SGSM3: variants seen among roughly 807,000 people sequenced by gnomAD.
SGSM3 encodes small G protein signaling modulator 3, also known as RUN and SH3 containing 3.
Under a neutral mutation model 100.5 loss-of-function variants are expected in SGSM3, and 96 were observed. The ratio of observed to expected loss-of-function variants is 0.96; its 90% confidence interval spans 0.81 to 1.13. The LOEUF is 1.13. SGSM3 is among the 50% of genes most tolerant of loss of function. The pLI is 0.00. For missense variants in SGSM3, 1,001 were observed against 1,015.8 expected, an observed-to-expected ratio of 0.99 and a Z score of 0.20; for synonymous variants, 483 against 422.8, an observed-to-expected ratio of 1.14 and a Z score of -1.75.
At chr22:40,387,701 T>A (rs1372947834) in intron 1 of SGSM3, among the ~76,000 whole-genome samples, 3 of 152,192 alleles carry the variant, frequency 2.0e-5, no homozygotes, top group Non-Finnish European at 4.4e-5. Flanking sequence ...GTAGTGGGAA[T>A]GACAGAAGGT....
rs897234227 is a variant in SGSM3 at position 40,376,268 on chromosome 22, C to T, written c.-112+5580C>T. ...CAACAATGAAGTTCAACTTACGGCTCTGCTGCTTGCTTCCTTGCTTGTCTG... is the reference window on the plus strand; with the variant it reads ...CAACAATGAAGTTCAACTTACGGCTTTGCTGCTTGCTTCCTTGCTTGTCTG... On this transcript the variant is annotated intron_variant, in intron 1 of 21. Coordinates refer to ENST00000248929, the MANE Select transcript of SGSM3 (RefSeq NM_015705.6). 5.4e-5 allele frequency: 7 copies of T among 129,854 alleles called. No individual in the cohort carries two copies. In the Admixed American group the frequency reaches 6.2e-4, roughly 12 times the overall value. The allele number at this position is 129,854 out of a possible 1,614,324, so 8.0% of individuals were successfully genotyped here.
chr22:40,402,030 C>T, intron 3 of SGSM3, 109 bp from the exon 4 acceptor site: 2 of 828,754 alleles, frequency 2.4e-6, no homozygotes, highest in East Asian at 2.5e-5. Context: ...TGATCTGAGC[C>T]CGAAGGCTGG....
At position 40,408,067 on chromosome 22, in the gene SGSM3, A is replaced by G; in HGVS notation, c.1580-4A>G. On this transcript the variant is annotated splice_region_variant and splice_polypyrimidine_tract_variant and intron_variant, in intron 14 of 21. Coordinates refer to ENST00000248929, the MANE Select transcript of SGSM3 (RefSeq NM_015705.6). ...GCTCCTTACAGGGCCTGTTTTTCCCACAGGCTGGTTTCCAGCCAAGTTCGT... is the reference window on the plus strand; with the variant it reads ...GCTCCTTACAGGGCCTGTTTTTCCCGCAGGCTGGTTTCCAGCCAAGTTCGT... The G allele has an allele frequency of 6.3e-7, 1 of 1,593,328 alleles. No homozygotes were observed. The highest frequency in any genetic ancestry group is 1.1e-5 in the South Asian group (1 of 90,604).
At chr22:40,390,479 A>T (rs533534679) in intron 1 of SGSM3, 1 of 152,212 alleles carries the variant, frequency 6.6e-6, no homozygotes, top group Non-Finnish European at 1.5e-5. Context: ...AGGTTTCCTA[A>T]TATTTTGCCA....
Position 40,410,247 on chromosome 22 carries a change from T to C in SGSM3, c.*488T>C. ...CAACAGACCCGGGACCCAGCTGTGC[T>C]ACCCACCCCTTCCATGGACTGAATA... On this transcript the variant is annotated 3_prime_UTR_variant, in exon 22 of 22. Transcript: ENST00000248929. The C allele has an allele frequency of 2.1e-6, 2 of 937,304 alleles. No homozygotes were observed. Among genetic ancestry groups the C allele is most frequent in the Non-Finnish European group, 2.6e-6 (2 of 765,340 alleles). 58.1% of individuals were successfully genotyped at this position (937,304 alleles called of 1,614,324 possible).
chr22:40,408,472 C>T (rs921117303), intron 16 of SGSM3, 43 bp downstream of exon 16: 8 of 1,606,810 alleles, frequency 5.0e-6, no homozygotes, highest in South Asian at 1.1e-5. Flanking sequence ...CTGCACCAGC[C>T]CTGCTGTGCC....
chr22:40,374,110 G>T (rs1014012073), intron 1 of SGSM3, among the ~76,000 whole-genome samples: 1 of 151,770 alleles, frequency 6.6e-6, no homozygotes, highest in Non-Finnish European at 1.5e-5. Flanking sequence ...CTGCCACCAT[G>T]CCCGGCTAAT....
chr22:40,402,121 A>C lies in SGSM3; in HGVS notation c.91-18A>C. 3 of 1,609,144 alleles carry C rather than the reference A, an allele frequency of 1.9e-6. No homozygotes were observed. The highest frequency in any genetic ancestry group is 2.6e-6 in the Non-Finnish European group (3 of 1,175,466). On this transcript the variant is annotated intron_variant, in intron 3 of 21. Transcript: ENST00000248929. ...ACTAGGGGACAGGCAACTGACTTCA[A>C]CCTCATCCTGATTCTAGAAGGAAGA...
intron 1 of SGSM3, among the ~76,000 whole-genome samples, chr22:40,390,994 A>G (rs1372016202): frequency 1.3e-5 from 2 of 152,232 alleles, no homozygotes; most frequent in African/African-American, 4.8e-5. Context: ...CATAAATTAT[A>G]GTATCACATG....
intron 1 of SGSM3, among the ~76,000 whole-genome samples, chr22:40,399,725 T>C (rs1049478649): frequency 6.6e-6 from 1 of 152,266 alleles, no homozygotes; most frequent in Non-Finnish European, 1.5e-5. Flanking sequence ...TAAAATTCCA[T>C]TCTCTTCACA....
chr22:40,385,822 G>C (rs2048323884), intron 1 of SGSM3, among the ~76,000 whole-genome samples: 1 of 152,114 alleles, frequency 6.6e-6, no homozygotes, highest in Non-Finnish European at 1.5e-5. Flanking sequence ...CTTTGTCCAG[G>C]AGGAACATGA....
chr22:40,406,405 C>T (rs866433828), intron 9 of SGSM3, 33 bp from the exon 10 acceptor site: 4 of 1,531,490 alleles, frequency 2.6e-6, no homozygotes, highest in Non-Finnish European at 3.5e-6. Flanking sequence ...CAATGACAAC[C>T]TTCTTCCCCC....
intron 1 of SGSM3, among the ~76,000 whole-genome samples, chr22:40,385,482 T>A (rs1464997399): frequency 6.6e-6 from 1 of 152,072 alleles, no homozygotes; most frequent in African/African-American, 2.4e-5. Flanking sequence ...GGTTGAAAGG[T>A]TCTCGTGGGT....
At chr22:40,375,487 G>A (rs1040547976) in intron 1 of SGSM3, among the ~76,000 whole-genome samples, 1 of 151,952 alleles carries the variant, frequency 6.6e-6, no homozygotes, top group Non-Finnish European at 1.5e-5. Flanking sequence ...GGCTGAGGCA[G>A]GAGAATCACT....
Position 40,409,497 on chromosome 22 carries a change from A to G in SGSM3, c.2144A>G (p.Gln715Arg). 6.3e-7 allele frequency: 1 copy of G among 1,591,054 alleles called. No homozygotes were observed. The highest frequency in any genetic ancestry group is 8.6e-7 in the Non-Finnish European group (1 of 1,168,628). ...VLCCFAFSLS[Q>R]DWELPAKREA... ...TGCTGCTTTGCCTTCAGCCTCTCCCAGGACTGGGAGCTCCCTGCGAAGAGA... is the reference window on the plus strand; with the variant it reads ...TGCTGCTTTGCCTTCAGCCTCTCCCGGGACTGGGAGCTCCCTGCGAAGAGA... Residue 715 changes from glutamine (Q) to arginine (R), a missense_variant, in exon 21 of 22, where the codon CAG (glutamine) becomes CGG (arginine). Transcript: ENST00000248929.
chr22:40,408,976 A>C lies in SGSM3; in HGVS notation c.1946A>C (p.Gln649Pro). ...VNVTHDAVHA[Q>P]MDVKLRSLIC... ...GTGACCCACGATGCAGTGCATGCAC[A>C]AATGGATGTGAAGCTCCGCTCACTG... Residue 649 changes from glutamine (Q) to proline (P), a missense_variant, in exon 19 of 22, where the codon CAA becomes CCA. Physicochemically the swap from Gln to Pro is moderately conservative, Grantham distance 76. Transcript: ENST00000248929. The C allele has an allele frequency of 2.5e-6, 4 of 1,595,642 alleles. No homozygotes were observed. The highest frequency in any genetic ancestry group is 3.4e-6 in the Non-Finnish European group (4 of 1,170,928).
Position 40,405,252 on chromosome 22 carries a change from C to T in SGSM3, c.586C>T (p.Pro196Ser). Residue 196 changes from proline (P) to serine (S), a missense_variant, in exon 7 of 22, where the codon CCA becomes TCA. Physicochemically the swap from Pro to Ser is moderately conservative, Grantham distance 74. Transcript: ENST00000248929. ...RVLRALAWLY[P>S]EIGYCQGTGM... is the part of the protein sequence containing the mutation. Reference sequence around the variant, plus strand: ...GCTCCGGGCCCTGGCCTGGCTCTACCCAGAGATCGGCTACTGCCAGGGCAC... The same window carrying T: ...GCTCCGGGCCCTGGCCTGGCTCTACTCAGAGATCGGCTACTGCCAGGGCAC... 2 of 1,540,540 alleles carry T rather than the reference C, an allele frequency of 1.3e-6. No homozygotes were observed. The highest frequency in any genetic ancestry group is 8.8e-7 in the Non-Finnish European group (1 of 1,142,476).
At chr22:40,409,419 C>G in intron 20 of SGSM3, 46 bp from the exon 21 acceptor site, 1 of 1,570,382 alleles carries the variant, frequency 6.4e-7, no homozygotes, top group African/African-American at 1.4e-5. Flanking sequence ...GTGGGAAGGG[C>G]TAGCTGGGGG....
Position 40,407,631 on chromosome 22 carries a change from C to T in SGSM3, c.1524+63C>T, listed in dbSNP as rs1264686991. The stretch of plus-strand genomic sequence containing the variant: ...TGGCGGGTTCCCCAGACTCCCTCCA[C>T]CAAGCCCCACCCCAACCCCTTTCCC... On this transcript the variant is annotated intron_variant, in intron 13 of 21. Transcript: ENST00000248929. The surrounding 1 kb of genome is among the most constrained non-coding windows in gnomAD (Gnocchi z 4.7). The T allele has an allele frequency of 3.8e-6, 6 of 1,580,606 alleles. No homozygotes were observed. In the Admixed American group the frequency reaches 5.2e-5, roughly 14 times the overall value.
Sources: allele counts gnomAD v4.1 joint callset (sites outside exome capture counted in the v4.1 genomes callset), GRCh38; gene constraint gnomAD v4.1.1; non-coding constraint Gnocchi (gnomAD v3.1); transcripts MANE v1.5; gene names NCBI Gene and HGNC (gene_info 2026-07-23, HGNC 2026-07-21).